The following HSD17B12 variants were observed in gnomAD, a reference collection of about 807,000 sequenced individuals.
The protein encoded by HSD17B12 is hydroxysteroid 17-beta dehydrogenase 12, also known as very-long-chain 3-oxoacyl-CoA reductase.
Under a neutral mutation model 39.3 loss-of-function variants are expected in HSD17B12, and 32 were observed. The observed-to-expected ratio is 0.81, with a 90% confidence interval of 0.61 to 1.09. The LOEUF (loss-of-function observed/expected upper bound fraction) is 1.09. Among genes scored for constraint, HSD17B12 ranks in the 50% least tolerant of loss-of-function variants. HSD17B12 has a pLI of 0.00. For missense variants in HSD17B12, 342 were observed against 382.9 expected (o/e 0.89, Z 0.89); for synonymous variants, 150 against 146.7 (o/e 1.02, Z -0.16).
intron 6 of HSD17B12, among the ~76,000 whole-genome samples, chr11:43,828,316 G>A (rs1951269816): frequency 6.9e-6 from 1 of 145,408 alleles, no homozygotes; most frequent in Non-Finnish European, 1.5e-5. Flanking sequence ...CTAATTTTTT[G>A]TATTTTTAGT....
At chr11:43,583,283 C>T in the HSD17B12 span, among the ~76,000 whole-genome samples, 1 of 152,238 alleles carries the variant, frequency 6.6e-6, no homozygotes, top group African/African-American at 2.4e-5. Context: ...ACTAGGGCTC[C>T]AGGGCCCAAG....
At chr11:43,754,339 G>A (rs1435678216) in intron 3 of HSD17B12, among the ~76,000 whole-genome samples, 2 of 152,170 alleles carry the variant, frequency 1.3e-5, no homozygotes, top group Admixed American at 6.5e-5. Flanking sequence ...TTGGGAGGCT[G>A]AGGCGGGTGG....
the HSD17B12 span, among the ~76,000 whole-genome samples, chr11:43,651,356 A>G: frequency 6.6e-6 from 1 of 152,214 alleles, no homozygotes; most frequent in Admixed American, 6.5e-5. Flanking sequence ...AGAAGATTAT[A>G]ATTCTCAAAG....
the HSD17B12 span, among the ~76,000 whole-genome samples, chr11:43,659,877 T>G: frequency 6.6e-6 from 1 of 152,234 alleles, no homozygotes; most frequent in Admixed American, 6.5e-5. Flanking sequence ...CTGAGACTTA[T>G]TAGTTCGAAA....
At chr11:43,672,438 A>T in the HSD17B12 span, among the ~76,000 whole-genome samples, 1 of 152,150 alleles carries the variant, frequency 6.6e-6, no homozygotes, top group African/African-American at 2.4e-5. Flanking sequence ...TAACTTAAAG[A>T]GTTAATTTCC....
At chr11:43,592,619 G>C in the HSD17B12 span, among the ~76,000 whole-genome samples, 1 of 152,138 alleles carries the variant, frequency 6.6e-6, no homozygotes, top group Non-Finnish European at 1.5e-5. Context: ...GAAATTCACT[G>C]TACTATTGCA....
intron 1 of HSD17B12, among the ~76,000 whole-genome samples, chr11:43,749,081 C>A (rs1317438286): frequency 1.3e-5 from 2 of 152,062 alleles, no homozygotes; most frequent in Admixed American, 1.3e-4. Flanking sequence ...TGCATTATCC[C>A]TTATGAAGTA....
the HSD17B12 span, among the ~76,000 whole-genome samples, chr11:43,640,418 A>G: frequency 6.6e-6 from 1 of 152,208 alleles, no homozygotes; most frequent in Non-Finnish European, 1.5e-5. Context: ...GAGAAGCAGT[A>G]TAATCGTTTT....
chr11:43,838,511 T>C lies in HSD17B12; in HGVS notation c.618+113T>C, dbSNP rs528236400. 2.5e-4 allele frequency: 197 copies of C among 790,372 alleles called. 2 individuals carry two copies. The South Asian group carries it at 2.8e-3, about 11-fold the overall frequency. 49.0% of individuals were successfully genotyped at this position (790,372 alleles called of 1,614,324 possible). ...AGTTCTGTTCTTGGCAGTTTTCCAGTAGACTGAGAAGAAAAGGAAAATACC... is the reference window on the plus strand; with the variant it reads ...AGTTCTGTTCTTGGCAGTTTTCCAGCAGACTGAGAAGAAAAGGAAAATACC... On this transcript the variant is annotated intron_variant, in intron 8 of 10. Transcript: ENST00000278353.
chr11:43,728,275 G>A (rs575314559), intron 1 of HSD17B12, among the ~76,000 whole-genome samples: 4 of 151,736 alleles, frequency 2.6e-5, no homozygotes, highest in South Asian at 2.1e-4. Flanking sequence ...CATGTTGGCC[G>A]GGCTGGTCAT....
chr11:43,613,095 G>A, the HSD17B12 span, among the ~76,000 whole-genome samples: 1 of 152,110 alleles, frequency 6.6e-6, no homozygotes, highest in Non-Finnish European at 1.5e-5. Context: ...GCCATTGGAG[G>A]GTTTCAAGTA....
At position 43,798,330 on chromosome 11, in the gene HSD17B12, C is replaced by A; in HGVS notation, c.294C>A (p.Phe98Leu). 6.2e-7 allele frequency: 1 copy of A among 1,606,444 alleles called. No individual in the cohort carries two copies. Among genetic ancestry groups the A allele is most frequent in the South Asian group, 1.1e-5 (1 of 90,506 alleles). ...DQVSSEIKEK[F>L]KVETRTIAVD... is the part of the protein sequence containing the mutation. Reference sequence around the variant, plus strand: ...TTTCTTTTTCCCTAGAAGAAAAATTCAAAGTGGAGACAAGAACCATTGCTG... The same window carrying A: ...TTTCTTTTTCCCTAGAAGAAAAATTAAAAGTGGAGACAAGAACCATTGCTG... The change falls in exon 4 of 11, where the codon TTC becomes TTA. Residue 98 changes from phenylalanine to leucine, a missense_variant. Coordinates refer to ENST00000278353, the MANE Select transcript of HSD17B12 (RefSeq NM_016142.3).
intron 1 of HSD17B12, 130 bp downstream of exon 1, chr11:43,681,117 C>G: frequency 7.0e-7 from 1 of 1,422,644 alleles, no homozygotes; most frequent in Non-Finnish European, 9.2e-7. Flanking sequence ...GGCTCCTGTG[C>G]CCCGCGGGCC....
the HSD17B12 span, among the ~76,000 whole-genome samples, chr11:43,620,643 G>A: frequency 6.6e-6 from 1 of 152,158 alleles, no homozygotes; most frequent in Non-Finnish European, 1.5e-5. Context: ...AGGATTTCCT[G>A]AATACCTTAT....
the HSD17B12 span, among the ~76,000 whole-genome samples, chr11:43,632,326 G>A: frequency 5.9e-5 from 9 of 152,296 alleles, no homozygotes; most frequent in African/African-American, 1.9e-4. Flanking sequence ...AAGCTAATTG[G>A]GAGATATTTT....
At chr11:43,778,472 C>G (rs1338227974) in intron 3 of HSD17B12, among the ~76,000 whole-genome samples, 1 of 151,686 alleles carries the variant, frequency 6.6e-6, no homozygotes, top group African/African-American at 2.4e-5. Context: ...GGAATCCTCC[C>G]TAACTCATTT....
chr11:43,650,557 G>A, the HSD17B12 span, among the ~76,000 whole-genome samples: 406 of 152,210 alleles, frequency 2.7e-3, 1 homozygote, highest in African/African-American at 8.5e-3. Context: ...CAGCCTGGCC[G>A]AATTTAATTA....
intron 3 of HSD17B12, 38 bp from the exon 4 acceptor site, chr11:43,798,282 T>C (rs1460078205): frequency 8.1e-7 from 1 of 1,236,226 alleles, no homozygotes; most frequent in Admixed American, 1.7e-5. Context: ...GTACTAATTT[T>C]CCCTGTCTCT....
At chr11:43,728,600 T>G (rs1433916139) in intron 1 of HSD17B12, among the ~76,000 whole-genome samples, 1 of 152,146 alleles carries the variant, frequency 6.6e-6, no homozygotes, top group Non-Finnish European at 1.5e-5. Context: ...ATGGCTACTG[T>G]ACTTGTTACT....
Sources: gnomAD v4.1 joint callset for allele counts (sites outside exome capture counted in the v4.1 genomes callset) on GRCh38, gnomAD v4.1.1 for gene constraint, MANE v1.5 for transcripts, NCBI Gene and HGNC (gene_info 2026-07-23, HGNC 2026-07-21) for gene names.